Variants in RAG1 observed in about 807,000 individuals in gnomAD.
RAG1 encodes V(D)J recombination-activating protein 1.
In RAG1, 35 loss-of-function variants were observed where a neutral mutation model predicts 62.7. The ratio of observed to expected loss-of-function variants is 0.56; its 90% CI spans 0.43 to 0.74. The LOEUF (loss-of-function observed/expected upper bound fraction) is 0.74. Among genes scored for constraint, RAG1 ranks in the 30% least tolerant of loss-of-function variants. The pLI is 0.00. For missense variants in RAG1, 1,169 were observed against 1,278.6 expected, an observed-to-expected ratio of 0.91 and a Z score of 1.31; for synonymous variants, 461 against 470.3, an observed-to-expected ratio of 0.98 and a Z score of 0.26.
chr11:36,559,683 C>G (rs971067840), intron 3 of RAG1, among the ~76,000 whole-genome samples: 1 of 151,830 alleles, frequency 6.6e-6, no homozygotes, highest in African/African-American at 2.4e-5. Context: ...ATTTTTTATT[C>G]AATTTATATA....
chr11:36,510,832 T>C (rs1271877144), exon 1 of RAG1: 1 of 152,204 alleles, frequency 6.6e-6, no homozygotes, highest in Non-Finnish European at 1.5e-5. Flanking sequence ...CTATTTTAAA[T>C]TCCCTGTTTA....
At chr11:36,534,462 G>C (rs928207602) in intron 2 of RAG1, among the ~76,000 whole-genome samples, 1 of 152,190 alleles carries the variant, frequency 6.6e-6, no homozygotes, top group African/African-American at 2.4e-5. Context: ...GTGGTCACAT[G>C]ACTTGTTTTC....
chr11:36,574,809 C>T lies in RAG1; in HGVS notation c.1505C>T (p.Pro502Leu), dbSNP rs1483463421. ...ATCACAGGGAGACAGATTTTTCAGC[C>T]TTTGCATGCCCTTCGGAATGCTGAG... ...KAITGRQIFQ[P>L]LHALRNAEKV... The change falls in exon 2 of 2, where the codon CCT (proline) becomes CTT (leucine). Residue 502 changes from proline (P) to leucine (L), a missense_variant. Physicochemically the swap from Pro to Leu is moderately conservative, Grantham distance 98. Around this residue, in one of 2 missense-constraint regions of RAG1, gnomAD observed 800 missense variants for 943.3 expected, o/e 0.85. Coordinates refer to ENST00000299440, the MANE Select transcript of RAG1 (RefSeq NM_000448.3). The T allele has an allele frequency of 6.2e-7, 1 of 1,614,102 alleles. No individual in the cohort carries two copies. Among genetic ancestry groups the T allele is most frequent in the Non-Finnish European group, 8.5e-7 (1 of 1,180,050 alleles).
chr11:36,562,251 T>C (rs1267581032), intron 3 of RAG1, among the ~76,000 whole-genome samples: 1 of 152,222 alleles, frequency 6.6e-6, no homozygotes, highest in East Asian at 1.9e-4. Context: ...AGTGTAGAGT[T>C]GCCATTAAGC....
At chr11:36,524,228 T>C (rs1177486218) in intron 2 of RAG1, among the ~76,000 whole-genome samples, 2 of 151,290 alleles carry the variant, frequency 1.3e-5, no homozygotes, top group African/African-American at 4.9e-5. Context: ...CATTAGGAAA[T>C]ATACCTAATG....
chr11:36,564,650 G>C (rs1452275599), upstream of RAG1, among the ~76,000 whole-genome samples: 1 of 152,188 alleles, frequency 6.6e-6, no homozygotes, highest in Admixed American at 6.5e-5. Flanking sequence ...CCGACGTTTA[G>C]AGCAATTAAT....
At chr11:36,573,165 A>G (rs1850773830) in intron 1 of RAG1, 126 bp from the exon 2 acceptor site, 1 of 972,092 alleles carries the variant, frequency 1.0e-6, no homozygotes, top group Non-Finnish European at 1.5e-6. Context: ...TTAAGGTAGA[A>G]GATTTAATAC....
intron 1 of RAG1, among the ~76,000 whole-genome samples, chr11:36,569,865 T>C (rs1850713366): frequency 6.6e-6 from 1 of 152,194 alleles, no homozygotes; most frequent in South Asian, 2.1e-4. Context: ...TACAAACGTA[T>C]CTACATAAAG....
In RAG1 at chr11:36,573,740, AAG is replaced by A. The variant is rs1357175552; in HGVS notation, c.441_442del (p.Arg147SerfsTer21). ...CCTAGGCCTTTTACGAAAGAAGGAA[AAG>A]AGAGCTACTTCCTGGCCGGACCTCA... ...KTLGLLRKKE[K>X]RATSWPDLIA... On this transcript the variant is annotated frameshift_variant, in exon 2 of 2. Transcript: ENST00000299440. LOFTEE classifies it high-confidence loss of function. The A allele has an allele frequency of 6.2e-7, 1 of 1,614,068 alleles. No homozygotes were observed. The highest frequency in any genetic ancestry group is 8.5e-7 in the Non-Finnish European group (1 of 1,180,024).
In RAG1 at chr11:36,578,286, C is replaced by G. The variant is rs779149586; in HGVS notation, c.*1850C>G. The G allele has an allele frequency of 6.0e-6, 1 of 166,900 alleles. No homozygotes were observed. Among genetic ancestry groups the G allele is most frequent in the Non-Finnish European group, 1.5e-5 (1 of 68,098 alleles). 10.3% of individuals were successfully genotyped at this position (166,900 alleles called of 1,614,324 possible). On this transcript the variant is annotated 3_prime_UTR_variant, in exon 2 of 2. Coordinates refer to ENST00000299440, the MANE Select transcript of RAG1 (RefSeq NM_000448.3). The stretch of plus-strand genomic sequence containing the variant: ...TTAAAAAACACAGCAGTTTTCCTTG[C>G]TTTTTATATGCAGAATATCAAAGTC...
At chr11:36,527,782 C>T (rs544208706) in intron 2 of RAG1, among the ~76,000 whole-genome samples, 1 of 152,148 alleles carries the variant, frequency 6.6e-6, no homozygotes, top group African/African-American at 2.4e-5. Context: ...TAAAGAGGTC[C>T]TTCACATCCT....
chr11:36,528,347 A>C (rs1374809173), intron 2 of RAG1, among the ~76,000 whole-genome samples: 2 of 152,172 alleles, frequency 1.3e-5, no homozygotes, highest in African/African-American at 2.4e-5. Context: ...ACTCACTCAA[A>C]ACCACTCAAC....
chr11:36,536,917 C>A (rs944468010), downstream of RAG1, among the ~76,000 whole-genome samples: 2 of 128,626 alleles, frequency 1.6e-5, no homozygotes, highest in Non-Finnish European at 3.4e-5. Flanking sequence ...TGCCACCACG[C>A]CCGGCTAATT....
chr11:36,534,147 C>G (rs1399455236), intron 2 of RAG1, among the ~76,000 whole-genome samples: 1 of 151,918 alleles, frequency 6.6e-6, no homozygotes, highest in Non-Finnish European at 1.5e-5. Context: ...TAATTGCTCT[C>G]TTCAGACAGG....
intron 2 of RAG1, among the ~76,000 whole-genome samples, chr11:36,526,912 C>A (rs11033679): frequency 0.16 from 23,606 of 152,192 alleles, 1,924 homozygotes; most frequent in Admixed American, 0.2. Context: ...ATCCTTTGCT[C>A]ACTTTTTGAT....
At position 36,573,878 on chromosome 11, in the gene RAG1, T is replaced by C. The variant is rs2133293843; in HGVS notation, c.574T>C (p.Cys192Arg). The change falls in exon 2 of 2, where the codon TGT becomes CGT. Residue 192 changes from cysteine to arginine, a missense_variant. Physicochemically the swap from Cys to Arg is radical, Grantham distance 180 (BLOSUM62 -3). Coordinates refer to ENST00000299440, the MANE Select transcript of RAG1 (RefSeq NM_000448.3). ...GCACAGGAAGTTTAGCAGTGCCCCA[T>C]GTGAGGTTTACTTCCCGAGGAACGT... is the stretch of plus-strand genomic sequence containing the variant. ...IMHRKFSSAPCEVYFPRNVTM... is the reference protein window; with the variant it reads ...IMHRKFSSAPREVYFPRNVTM... 1.9e-6 allele frequency: 3 copies of C among 1,614,134 alleles called. No individual in the cohort carries two copies. The highest frequency in any genetic ancestry group is 2.5e-6 in the Non-Finnish European group (3 of 1,180,026).
At chr11:36,570,986 G>A (rs574980903) in intron 1 of RAG1, among the ~76,000 whole-genome samples, 1 of 152,260 alleles carries the variant, frequency 6.6e-6, no homozygotes, top group South Asian at 2.1e-4. Flanking sequence ...TCTTCACTTT[G>A]TGGATTGTTT....
downstream of RAG1, among the ~76,000 whole-genome samples, chr11:36,540,732 C>T (rs769528982): frequency 7.9e-5 from 12 of 152,158 alleles, no homozygotes; most frequent in Non-Finnish European, 1.3e-4. Flanking sequence ...TAAAATGAAA[C>T]CTCCAATCTT....
chr11:36,546,096 T>A (rs1418109581), intron 3 of RAG1, among the ~76,000 whole-genome samples: 1 of 152,184 alleles, frequency 6.6e-6, no homozygotes, highest in African/African-American at 2.4e-5. Context: ...GTCTATTAGG[T>A]CCACTTGGTC....
Sources: allele counts gnomAD v4.1 joint callset (sites outside exome capture counted in the v4.1 genomes callset), GRCh38; gene constraint gnomAD v4.1.1; regional missense constraint gnomAD v4.1.1; transcripts MANE v1.5; gene names NCBI Gene and HGNC (gene_info 2026-07-23, HGNC 2026-07-21).